The following ARHGEF4 variants were observed in gnomAD, a reference collection of about 807,000 sequenced individuals.
The protein encoded by ARHGEF4 is Rho guanine nucleotide exchange factor 4.
A neutral mutation model predicts 162.0 loss-of-function variants in ARHGEF4; 119 were observed. The ratio of observed to expected loss-of-function variants is 0.73; its 90% CI spans 0.63 to 0.86. The LOEUF is 0.86. Among genes scored for constraint, ARHGEF4 ranks in the 40% least tolerant of loss-of-function variants. The probability of loss-of-function intolerance (pLI) is 0.00; values close to 1 mark genes in which losing one functional copy is unlikely to be tolerated. For missense variants in ARHGEF4, 2,488 were observed against 2,456.0 expected (o/e 1.01, Z -0.28); for synonymous variants, 1,014 against 979.9 (o/e 1.03, Z -0.65).
intron 1 of ARHGEF4, among the ~76,000 whole-genome samples, chr2:130,864,730 A>G (rs1472283843): frequency 6.6e-6 from 1 of 152,216 alleles, no homozygotes; most frequent in Non-Finnish European, 1.5e-5. Flanking sequence ...TCTCAAAACA[A>G]AAACAAAAAC....
chr2:130,866,702 C>T (rs918608593), intron 1 of ARHGEF4, among the ~76,000 whole-genome samples: 1 of 152,146 alleles, frequency 6.6e-6, no homozygotes, highest in African/African-American at 2.4e-5. Context: ...TTTGAACCAG[C>T]CTTGCGTACC....
intron 1 of ARHGEF4, among the ~76,000 whole-genome samples, chr2:130,896,529 C>T (rs144316032): frequency 2.6e-5 from 4 of 152,320 alleles, no homozygotes; most frequent in African/African-American, 4.8e-5. Flanking sequence ...ACCCTCCCAA[C>T]CGCAATATGA....
At chr2:131,006,332 A>G (rs774636438) in intron 4 of ARHGEF4, among the ~76,000 whole-genome samples, 11 of 152,212 alleles carry the variant, frequency 7.2e-5, no homozygotes, top group African/African-American at 2.7e-4. Flanking sequence ...CCTTTGACCT[A>G]CAGAAACAGA....
chr2:130,881,117 C>T (rs1269234705), intron 1 of ARHGEF4, among the ~76,000 whole-genome samples: 1 of 152,150 alleles, frequency 6.6e-6, no homozygotes, highest in Non-Finnish European at 1.5e-5. Context: ...ACTACAACCT[C>T]TGCCTCCCGA....
chr2:130,849,289 G>T (rs554281934), intron 1 of ARHGEF4, among the ~76,000 whole-genome samples: 1 of 152,354 alleles, frequency 6.6e-6, no homozygotes, highest in South Asian at 2.1e-4. Context: ...TGTCATGCCA[G>T]GGGGCAGAGA....
At chr2:130,924,123 C>T (rs1682074756) in intron 2 of ARHGEF4, among the ~76,000 whole-genome samples, 3 of 151,770 alleles carry the variant, frequency 2.0e-5, no homozygotes, top group South Asian at 4.2e-4. Flanking sequence ...CCTCGTGATC[C>T]ACCTACCTCG....
chr2:130,998,966 C>T (rs1687579647), intron 4 of ARHGEF4, among the ~76,000 whole-genome samples: 1 of 152,188 alleles, frequency 6.6e-6, no homozygotes, highest in East Asian at 1.9e-4. Flanking sequence ...TCCACATCCT[C>T]ATCAGCAATT....
At chr2:130,866,912 G>C (rs1157600701) in intron 1 of ARHGEF4, among the ~76,000 whole-genome samples, 1 of 152,120 alleles carries the variant, frequency 6.6e-6, no homozygotes, top group Admixed American at 6.5e-5. Flanking sequence ...CTCTACTTCT[G>C]TTTTCTGGAA....
chr2:130,888,946 CA>C lies in ARHGEF4; in HGVS notation c.40-25031del, dbSNP rs1364352222. On this transcript the variant is annotated intron_variant, in intron 1 of 13. Transcript: ENST00000409359. Reference sequence around the variant, plus strand: ...TGAAACCCCGTCTCTACTAAAAATACAAAAAAAAATTAGCCGGGCATGGTGG... The same window carrying C: ...TGAAACCCCGTCTCTACTAAAAATACAAAAAAAATTAGCCGGGCATGGTGG... Among the ~76,000 whole-genome samples, 9 of 150,234 alleles carry C rather than the reference CA, an allele frequency of 6.0e-5. No individual in the cohort carries two copies. The Middle Eastern group carries it at 0.014, about 230-fold the overall frequency.
At chr2:130,901,484 A>G (rs759352113) in intron 1 of ARHGEF4, among the ~76,000 whole-genome samples, 10 of 151,170 alleles carry the variant, frequency 6.6e-5, no homozygotes, top group Non-Finnish European at 1.0e-4. Context: ...TTAATGGCCA[A>G]TGTTGTTCAC....
chr2:130,997,627 A>G (rs565957960), intron 4 of ARHGEF4, among the ~76,000 whole-genome samples: 1 of 152,316 alleles, frequency 6.6e-6, no homozygotes, highest in South Asian at 2.1e-4. Flanking sequence ...GATAGTTTCT[A>G]TGTTGAGCAG....
At position 130,991,523 on chromosome 2, in the gene ARHGEF4, G is replaced by A. The variant is rs542241650; in HGVS notation, c.3986-36422G>A. 1.8e-3 allele frequency among the ~76,000 whole-genome samples: 275 copies of A among 152,262 alleles called. 1 individual carries two copies. The highest frequency in any genetic ancestry group is 6.4e-3 in the African/African-American group (264 of 41,568). On this transcript the variant is annotated intron_variant, in intron 4 of 13. Coordinates refer to ENST00000409359, the MANE Select transcript of ARHGEF4 (RefSeq NM_001367493.1). ...GGAGTTCGGTGGGCGTGGGCTTGGCGGGCCCGGCACTCGGAGCAGCCGGCC... is the reference window on the plus strand; with the variant it reads ...GGAGTTCGGTGGGCGTGGGCTTGGCAGGCCCGGCACTCGGAGCAGCCGGCC...
intron 4 of ARHGEF4, among the ~76,000 whole-genome samples, chr2:131,017,352 C>T (rs575856398): frequency 5.6e-4 from 85 of 152,268 alleles, no homozygotes; most frequent in African/African-American, 1.9e-3. Context: ...CCCTCTCCCA[C>T]GAATGCCTGC....
At chr2:131,018,804 C>T (rs1218163908) in intron 4 of ARHGEF4, among the ~76,000 whole-genome samples, 1 of 152,126 alleles carries the variant, frequency 6.6e-6, no homozygotes, top group Non-Finnish European at 1.5e-5. Flanking sequence ...CATTATTTTG[C>T]ATTTGGATAT....
At chr2:130,965,609 C>T (rs766387556) in intron 4 of ARHGEF4, among the ~76,000 whole-genome samples, 4 of 152,208 alleles carry the variant, frequency 2.6e-5, no homozygotes, top group African/African-American at 2.4e-5. Context: ...GCAGAGGACT[C>T]CTGCCCCTTT....
chr2:130,963,659 G>T (rs1165664320), intron 4 of ARHGEF4: 3 of 146,430 alleles, frequency 2.0e-5, no homozygotes, highest in African/African-American at 7.4e-5. Context: ...GCCTGCGTGC[G>T]CGCGTGCGTG....
At chr2:130,958,160 G>A (rs1441567161) in intron 4 of ARHGEF4, among the ~76,000 whole-genome samples, 1 of 152,074 alleles carries the variant, frequency 6.6e-6, no homozygotes, top group Non-Finnish European at 1.5e-5. Context: ...GTGGCTGGGG[G>A]CAGGATGAGA....
At chr2:130,910,499 C>A (rs1681109496) in intron 1 of ARHGEF4, among the ~76,000 whole-genome samples, 1 of 152,170 alleles carries the variant, frequency 6.6e-6, no homozygotes, top group South Asian at 2.1e-4. Context: ...CACCTGCTCA[C>A]ATAAGGCTGA....
intron 1 of ARHGEF4, among the ~76,000 whole-genome samples, chr2:130,838,471 T>C (rs1385245110): frequency 6.6e-6 from 1 of 151,878 alleles, no homozygotes; most frequent in East Asian, 1.9e-4. Context: ...CCGGGCGCGG[T>C]AGTGGGCGCC....
Sources: gnomAD v4.1 joint callset for allele counts (sites outside exome capture counted in the v4.1 genomes callset) on GRCh38, gnomAD v4.1.1 for gene constraint, MANE v1.5 for transcripts, NCBI Gene and HGNC (gene_info 2026-07-23, HGNC 2026-07-21) for gene names.